The following TSHZ3 variants were observed in gnomAD, a reference collection of about 807,000 sequenced individuals.
TSHZ3 encodes teashirt homolog 3.
In TSHZ3, 10 loss-of-function variants were observed where a neutral mutation model predicts 64.5. The observed-to-expected ratio is 0.16, with a 90% CI of 0.10 to 0.26. TSHZ3 has a LOEUF of 0.26. TSHZ3 is among the 10% of genes least tolerant of loss of function. The pLI is 1.00. For synonymous variants in TSHZ3, 608 were observed against 593.1 expected, an observed-to-expected ratio of 1.03 and a Z score of -0.36; for missense variants, 1,242 against 1,421.7, an observed-to-expected ratio of 0.87 and a Z score of 2.03.
chr19:31,176,861 A>G (rs928788623), intron 5 of TSHZ3, among the ~76,000 whole-genome samples: 2 of 152,180 alleles, frequency 1.3e-5, no homozygotes, highest in Admixed American at 1.3e-4. Flanking sequence ...ACAAACTGGC[A>G]AAATTGGAAG....
chr19:31,328,396 A>G (rs991983007), intron 1 of TSHZ3, among the ~76,000 whole-genome samples: 1 of 152,270 alleles, frequency 6.6e-6, no homozygotes, highest in Non-Finnish European at 1.5e-5. Flanking sequence ...CTCCCACACC[A>G]GGGATGGGCT....
intron 3 of TSHZ3, among the ~76,000 whole-genome samples, chr19:31,241,856 T>C (rs550578701): frequency 6.6e-6 from 1 of 152,318 alleles, no homozygotes; most frequent in African/African-American, 2.4e-5. Context: ...TTGTCATACG[T>C]TGTGTCTAGT....
Position 31,278,020 on chromosome 19 carries a change from C to A in TSHZ3, c.1773G>T (p.Leu591=). Residue 591 remains leucine, a synonymous_variant, in exon 2 of 2, where the codon CTG becomes CTT. Coordinates refer to ENST00000240587, the MANE Select transcript of TSHZ3 (RefSeq NM_020856.4). The surrounding 1 kb of genome is among the most constrained non-coding windows in gnomAD (Gnocchi z 4.7). ...ACGTCTGGCTGCTGGGTGGAGAGACCAGGGTCTGGTTTTTCGTCGGGGAGA... is the reference window on the plus strand; with the variant it reads ...ACGTCTGGCTGCTGGGTGGAGAGACAAGGGTCTGGTTTTTCGTCGGGGAGA... The part of the protein sequence containing the change: ...EIVSPTKNQT[L]VSPPSSQTSP... 1.2e-6 allele frequency: 2 copies of A among 1,613,690 alleles called. No homozygotes were observed. Among genetic ancestry groups the A allele is most frequent in the Non-Finnish European group, 1.7e-6 (2 of 1,179,636 alleles).
At chr19:31,216,525 T>C (rs1975333233) in intron 4 of TSHZ3, among the ~76,000 whole-genome samples, 1 of 151,728 alleles carries the variant, frequency 6.6e-6, no homozygotes. Context: ...CTCAGCTCAC[T>C]GCAACCTCCA....
intron 6 of TSHZ3, among the ~76,000 whole-genome samples, chr19:31,154,101 C>T (rs1000389155): frequency 6.6e-6 from 1 of 152,144 alleles, no homozygotes; most frequent in African/African-American, 2.4e-5. Flanking sequence ...TCTGCCATCA[C>T]CATGAAAAGA....
chr19:31,312,895 T>C (rs560072895), intron 1 of TSHZ3, among the ~76,000 whole-genome samples: 1 of 152,330 alleles, frequency 6.6e-6, no homozygotes, highest in East Asian at 1.9e-4. Flanking sequence ...CAGCTAGGAT[T>C]TAATGACATT....
At position 31,277,461 on chromosome 19, in the gene TSHZ3, C is replaced by G. The variant is rs762656477; in HGVS notation, c.2332G>C (p.Asp778His). 10 of 1,613,660 alleles carry G rather than the reference C, an allele frequency of 6.2e-6. No homozygotes were observed. The highest frequency in any genetic ancestry group is 7.6e-6 in the Non-Finnish European group (9 of 1,179,858). Residue 778 changes from aspartate to histidine, a missense_variant, in exon 2 of 2, where the codon GAC becomes CAC. Physicochemically the swap from Asp to His is moderately conservative, Grantham distance 81 (BLOSUM62 -1). Coordinates refer to ENST00000240587, the MANE Select transcript of TSHZ3 (RefSeq NM_020856.4). The surrounding 1 kb of genome is among the most constrained non-coding windows in gnomAD (Gnocchi z 4.5). ...PLQSKKADHL[D>H]RYFYHVNNDQ... The stretch of plus-strand genomic sequence containing the variant: ...TTGTTGACGTGGTAGAAATAGCGGT[C>G]GAGGTGGTCTGCCTTCTTGGACTGC...
intron 1 of TSHZ3, among the ~76,000 whole-genome samples, chr19:31,326,605 C>T (rs923983845): frequency 6.6e-6 from 1 of 152,256 alleles, no homozygotes; most frequent in Admixed American, 6.5e-5. Flanking sequence ...CCTCATCTAT[C>T]GCTGTAAGTC....
At chr19:31,333,549 C>T (rs1018213900) in intron 1 of TSHZ3, among the ~76,000 whole-genome samples, 2 of 152,254 alleles carry the variant, frequency 1.3e-5, no homozygotes, top group African/African-American at 4.8e-5. Context: ...TGTGTTATCT[C>T]TCCAGGCAGA....
chr19:31,157,890 G>A (rs1974326215), intron 5 of TSHZ3, among the ~76,000 whole-genome samples: 1 of 152,172 alleles, frequency 6.6e-6, no homozygotes. Context: ...GATGTTTGAG[G>A]CATAGGCTGC....
chr19:31,232,334 A>G (rs760726860), intron 3 of TSHZ3, among the ~76,000 whole-genome samples: 6 of 152,208 alleles, frequency 3.9e-5, no homozygotes, highest in Non-Finnish European at 8.8e-5. Context: ...AGAGGCCAAC[A>G]AGCAGTGATC....
intron 1 of TSHZ3, among the ~76,000 whole-genome samples, chr19:31,294,909 G>A (rs914252332): frequency 6.6e-6 from 1 of 152,162 alleles, no homozygotes; most frequent in African/African-American, 2.4e-5. Context: ...TTCATGCCTT[G>A]CTTGCCTTCT....
intron 1 of TSHZ3, among the ~76,000 whole-genome samples, chr19:31,319,886 CT>C (rs35437837): frequency 0.41 from 62,300 of 150,942 alleles, 12,873 homozygotes; most frequent in East Asian, 0.48. Flanking sequence ...TGCAGCCCCC[CT>C]GAGAAAGTAG....
chr19:31,286,713 C>T (rs927671868), intron 1 of TSHZ3, among the ~76,000 whole-genome samples: 16 of 152,168 alleles, frequency 1.1e-4, no homozygotes, highest in South Asian at 4.1e-4. Context: ...GCCCTGTCCC[C>T]GGAATGAGGA....
chr19:31,206,895 C>T (rs1975186222), intron 4 of TSHZ3, among the ~76,000 whole-genome samples: 1 of 152,048 alleles, frequency 6.6e-6, no homozygotes, highest in African/African-American at 2.4e-5. Context: ...TTGGGATAAC[C>T]CCTGCAATCT....
At position 31,347,447 on chromosome 19, in the gene TSHZ3, C is replaced by T. The variant is rs184885277; in HGVS notation, c.40+1733G>A. Among the ~76,000 whole-genome samples, 436 of 151,762 alleles carry T rather than the reference C, an allele frequency of 2.9e-3. 5 individuals are homozygous for T. The highest frequency in any genetic ancestry group is 4.2e-3 in the Non-Finnish European group (286 of 67,910). ...ACACACATACCTTAAAATGTGTATC[C>T]AAAAAGGAAAGAAAAAAAAAATTTC... On this transcript the variant is annotated intron_variant, in intron 1 of 1. Coordinates refer to ENST00000240587, the MANE Select transcript of TSHZ3 (RefSeq NM_020856.4).
At chr19:31,218,831 C>T (rs989157620) in intron 4 of TSHZ3, among the ~76,000 whole-genome samples, 4 of 152,244 alleles carry the variant, frequency 2.6e-5, no homozygotes, top group African/African-American at 9.6e-5. Flanking sequence ...ATGATTCTAA[C>T]TTAAACCTTT....
intron 1 of TSHZ3, among the ~76,000 whole-genome samples, chr19:31,331,381 A>G (rs939998282): frequency 3.3e-5 from 5 of 152,112 alleles, no homozygotes; most frequent in Non-Finnish European, 7.3e-5. Context: ...TTTGTCACTG[A>G]TATTTCAGAT....
chr19:31,179,298 A>G (rs761704249), intron 5 of TSHZ3, among the ~76,000 whole-genome samples: 8 of 152,168 alleles, frequency 5.3e-5, no homozygotes, highest in Admixed American at 2.6e-4. Context: ...TCATCTGATA[A>G]CCTTTGCCAG....
Sources: allele counts gnomAD v4.1 joint callset (sites outside exome capture counted in the v4.1 genomes callset), GRCh38; gene constraint gnomAD v4.1.1; non-coding constraint Gnocchi (gnomAD v3.1); transcripts MANE v1.5; gene names NCBI Gene and HGNC (gene_info 2026-07-23, HGNC 2026-07-21).